PRKG1: variants seen among roughly 807,000 people sequenced by gnomAD.
PRKG1 encodes cGMP-dependent protein kinase 1.
A neutral mutation model predicts 88.1 loss-of-function variants in PRKG1; 35 were observed. The ratio of observed to expected loss-of-function variants is 0.40; its 90% CI spans 0.30 to 0.53. The LOEUF is 0.53. PRKG1 is among the 20% of genes least tolerant of loss of function. PRKG1 has a pLI of 0.59. For missense variants in PRKG1, 540 were observed against 839.8 expected (o/e 0.64, Z 4.41); for synonymous variants, 303 against 292.5 (o/e 1.04, Z -0.37).
intron 5 of PRKG1, among the ~76,000 whole-genome samples, chr10:52,003,473 A>G (rs957822638): frequency 6.6e-6 from 1 of 152,210 alleles, no homozygotes; most frequent in Non-Finnish European, 1.5e-5. Flanking sequence ...ACATTGTAAG[A>G]ACAGCAACAG....
intron 2 of PRKG1, among the ~76,000 whole-genome samples, chr10:51,154,289 G>A (rs1483815965): frequency 2.6e-5 from 4 of 151,810 alleles, no homozygotes; most frequent in African/African-American, 7.3e-5. Flanking sequence ...TCTCCCAGGG[G>A]ACATTTGGTG....
At chr10:51,547,371 T>G in intron 3 of PRKG1, among the ~76,000 whole-genome samples, 1 of 64,706 alleles carries the variant, frequency 1.5e-5, no homozygotes, top group East Asian at 4.2e-3. Context: ...GGTTGAATCA[T>G]GCAAAATTCA....
chr10:52,273,489 C>A (rs1212169541), intron 12 of PRKG1, among the ~76,000 whole-genome samples: 1 of 151,958 alleles, frequency 6.6e-6, no homozygotes, highest in African/African-American at 2.4e-5. Context: ...TGTTACTTTG[C>A]AGATACCCCA....
chr10:51,044,740 G>A (rs1843466023), intron 1 of PRKG1, among the ~76,000 whole-genome samples: 1 of 152,034 alleles, frequency 6.6e-6, no homozygotes, highest in Non-Finnish European at 1.5e-5. Context: ...GGGCTAGGTG[G>A]GGAGAGTGAT....
At chr10:51,748,301 G>A (rs1189421853) in intron 3 of PRKG1, among the ~76,000 whole-genome samples, 1 of 152,154 alleles carries the variant, frequency 6.6e-6, no homozygotes, top group Non-Finnish European at 1.5e-5. Context: ...TGGTCACTGG[G>A]CAACAGTATT....
At chr10:51,342,073 C>A (rs529325554) in intron 2 of PRKG1, among the ~76,000 whole-genome samples, 4 of 152,112 alleles carry the variant, frequency 2.6e-5, no homozygotes, top group Non-Finnish European at 4.4e-5. Context: ...ATATTAGATA[C>A]CAGAGAGAAA....
intron 3 of PRKG1, among the ~76,000 whole-genome samples, chr10:51,474,550 G>A (rs536000073): frequency 2.6e-4 from 39 of 152,010 alleles, no homozygotes; most frequent in Admixed American, 2.4e-3. Flanking sequence ...TTTTTGTAAT[G>A]CATTGAAACC....
chr10:52,240,774 C>G (rs1197095512), intron 9 of PRKG1, among the ~76,000 whole-genome samples: 1 of 152,076 alleles, frequency 6.6e-6, no homozygotes, highest in Non-Finnish European at 1.5e-5. Flanking sequence ...CGGGCTTTCT[C>G]CATTTCAAGA....
chr10:51,668,580 T>A (rs1209398101), intron 3 of PRKG1, among the ~76,000 whole-genome samples: 1 of 152,096 alleles, frequency 6.6e-6, no homozygotes, highest in East Asian at 1.9e-4. Flanking sequence ...CCTATGGTGA[T>A]GTGGTGAGGG....
chr10:51,282,457 AT>A (rs1474244292), intron 2 of PRKG1, among the ~76,000 whole-genome samples: 1 of 152,186 alleles, frequency 6.6e-6, no homozygotes, highest in African/African-American at 2.4e-5. Flanking sequence ...TGGTGTGAGA[AT>A]TGGGATAATT....
At chr10:52,259,755 G>A (rs1427356988) in intron 10 of PRKG1, among the ~76,000 whole-genome samples, 1 of 152,052 alleles carries the variant, frequency 6.6e-6, no homozygotes, top group Non-Finnish European at 1.5e-5. Flanking sequence ...GAGAGCCACT[G>A]TCTCGTCATC....
chr10:52,177,256 G>A (rs1048112592), intron 9 of PRKG1, among the ~76,000 whole-genome samples: 4 of 152,038 alleles, frequency 2.6e-5, no homozygotes, highest in African/African-American at 9.7e-5. Flanking sequence ...TTCTGCATCT[G>A]AGATAATCAT....
chr10:51,852,064 C>A (rs1471751290), intron 4 of PRKG1, among the ~76,000 whole-genome samples: 1 of 151,268 alleles, frequency 6.6e-6, no homozygotes, highest in Non-Finnish European at 1.5e-5. Context: ...GAGAAAAAAA[C>A]AATGTTTAGG....
intron 2 of PRKG1, among the ~76,000 whole-genome samples, chr10:51,334,152 TTCTCTCTCTC>T (rs10568175): frequency 0.25 from 33,744 of 137,134 alleles, 3,685 homozygotes; most frequent in Middle Eastern, 0.28. Flanking sequence ...CTCTCTCTCT[TTCTCTCTCTC>T]TCTCTCTCTC....
At chr10:51,492,694 C>G (rs971440272) in intron 3 of PRKG1, among the ~76,000 whole-genome samples, 2 of 152,048 alleles carry the variant, frequency 1.3e-5, no homozygotes, top group Non-Finnish European at 2.9e-5. Flanking sequence ...ATAAAGAGTC[C>G]TATGCCTTAA....
At chr10:51,942,014 G>A (rs566549419) in intron 5 of PRKG1, among the ~76,000 whole-genome samples, 2 of 152,144 alleles carry the variant, frequency 1.3e-5, no homozygotes, top group East Asian at 1.9e-4. Flanking sequence ...CTGGATCCCT[G>A]AGGAATCGCC....
intron 3 of PRKG1, among the ~76,000 whole-genome samples, chr10:51,584,493 G>A (rs976480763): frequency 1.3e-5 from 2 of 151,978 alleles, no homozygotes; most frequent in African/African-American, 4.8e-5. Context: ...TGATACCAAA[G>A]TTCAACAGAG....
intron 3 of PRKG1, among the ~76,000 whole-genome samples, chr10:51,700,575 G>GTT (rs999401523): frequency 2.0e-5 from 3 of 152,110 alleles, no homozygotes; most frequent in African/African-American, 7.2e-5. Flanking sequence ...TCAGTGTGGT[G>GTT]TTTCCCCGCC....
intron 5 of PRKG1, 88 bp downstream of exon 5, chr10:51,907,658 A>C: frequency 1.7e-6 from 2 of 1,170,212 alleles, no homozygotes; most frequent in Non-Finnish European, 2.5e-6. Context: ...AGGAATCACA[A>C]ACTGCAGAGA....
Sources: allele counts gnomAD v4.1 joint callset (sites outside exome capture counted in the v4.1 genomes callset), GRCh38; gene constraint gnomAD v4.1.1; transcripts MANE v1.5; gene names NCBI Gene and HGNC (gene_info 2026-07-23, HGNC 2026-07-21).